The following FAM149A variants were observed in gnomAD, a reference collection of about 807,000 sequenced individuals.
The protein encoded by FAM149A is protein FAM149A.
In FAM149A, 71 loss-of-function variants were observed where a neutral mutation model predicts 78.2. The ratio of observed to expected loss-of-function variants is 0.91; its 90% CI spans 0.75 to 1.11. The LOEUF (loss-of-function observed/expected upper bound fraction) is 1.11, where lower values mean the gene tolerates loss of function less well. Among genes scored for constraint, FAM149A ranks in the 50% least tolerant of loss-of-function variants. FAM149A has a pLI of 0.00. For synonymous variants in FAM149A, 446 were observed against 410.5 expected (o/e 1.09, Z -1.04); for missense variants, 1,036 against 971.0 (o/e 1.07, Z -0.89).
intron 7 of FAM149A, among the ~76,000 whole-genome samples, chr4:186,156,401 C>T (rs974727186): frequency 2.0e-5 from 3 of 151,930 alleles, no homozygotes; most frequent in South Asian, 4.2e-4. Flanking sequence ...TGGCTGGGTG[C>T]GGTGGCTCAC....
rs575108107 is a variant in FAM149A at position 186,169,328 on chromosome 4, G to A, written c.2218+2066G>A. ...ACACAGCCAAGGCCCCTGATCTCAC[G>A]ACGTAGAGAGAACGCGGCTCAAAGG... On this transcript the variant is annotated intron_variant, in intron 13 of 13. Coordinates refer to ENST00000389354, the MANE Select transcript of FAM149A (RefSeq NM_001367768.3). 244 of 985,372 alleles carry A rather than the reference G, an allele frequency of 2.5e-4. 3 individuals are homozygous for A. The highest frequency in any genetic ancestry group is 1.0e-3 in the Middle Eastern group (2 of 1,914). 61.0% of individuals were successfully genotyped at this position (985,372 alleles called of 1,614,324 possible). A position where few individuals can be genotyped will look rare whatever the true frequency, so the allele number is the denominator to read the frequency against.
intron 1 of FAM149A, among the ~76,000 whole-genome samples, chr4:186,115,431 C>G (rs1579775131): frequency 6.7e-6 from 1 of 148,150 alleles, no homozygotes; most frequent in Non-Finnish European, 1.5e-5. Flanking sequence ...TGTTCCATTG[C>G]TGGTGAGGAA....
At chr4:186,134,535 G>A (rs182077480) in intron 1 of FAM149A, among the ~76,000 whole-genome samples, 2 of 152,296 alleles carry the variant, frequency 1.3e-5, no homozygotes. Flanking sequence ...GGATCACCAA[G>A]TAAAGAGGAA....
intron 1 of FAM149A, among the ~76,000 whole-genome samples, chr4:186,142,349 C>A (rs1046934813): frequency 2.6e-5 from 4 of 152,270 alleles, no homozygotes; most frequent in African/African-American, 9.6e-5. Context: ...CAAGCAGAAG[C>A]CTCATCTGTA....
intron 1 of FAM149A, chr4:186,110,384 C>T (rs545602287): frequency 1.0e-4 from 86 of 856,974 alleles, no homozygotes; most frequent in South Asian, 6.2e-4. Flanking sequence ...GTCATATAAG[C>T]GTTACTTTCT....
At chr4:186,118,719 T>C (rs547659467) in intron 1 of FAM149A, among the ~76,000 whole-genome samples, 95 of 152,274 alleles carry the variant, frequency 6.2e-4, no homozygotes, top group Non-Finnish European at 2.4e-4. Flanking sequence ...TATCCTCTGA[T>C]TGAAGATGAG....
chr4:186,156,262 C>G, intron 7 of FAM149A, 72 bp downstream of exon 7: 1 of 1,298,180 alleles, frequency 7.7e-7, no homozygotes, highest in Non-Finnish European at 1.1e-6. Flanking sequence ...TCCTGCTCCC[C>G]AGCTTGGCCA....
chr4:186,109,878 G>C (rs1004764576), intron 1 of FAM149A: 10 of 985,204 alleles, frequency 1.0e-5, no homozygotes, highest in Non-Finnish European at 1.1e-5. Context: ...TACCTTCCCT[G>C]CATGACTTAC....
Position 186,166,948 on chromosome 4 carries a change from A to T in FAM149A, c.2011-20A>T. On this transcript the variant is annotated intron_variant, in intron 11 of 13. Transcript: ENST00000389354. ...AGGATTGCATTTATTTTAAACAAGAACATACTATCCTTCATTTAGTACAGA... is the reference window on the plus strand; with the variant it reads ...AGGATTGCATTTATTTTAAACAAGATCATACTATCCTTCATTTAGTACAGA... The T allele has an allele frequency of 6.2e-7, 1 of 1,602,464 alleles. No homozygotes were observed. The highest frequency in any genetic ancestry group is 8.5e-7 in the Non-Finnish European group (1 of 1,173,394).
chr4:186,157,737 C>A lies in FAM149A; in HGVS notation c.1575+18C>A. On this transcript the variant is annotated intron_variant, in intron 8 of 13. Coordinates refer to ENST00000389354, the MANE Select transcript of FAM149A (RefSeq NM_001367768.3). ...CGCCCCAGGTCGGTGCTTTCACACCCTTCTCCCTCTTGCCTTCACTCTGTG... is the reference window on the plus strand; with the variant it reads ...CGCCCCAGGTCGGTGCTTTCACACCATTCTCCCTCTTGCCTTCACTCTGTG... The A allele has an allele frequency of 2.5e-6, 4 of 1,593,080 alleles. No individual in the cohort carries two copies. The highest frequency in any genetic ancestry group is 2.6e-6 in the Non-Finnish European group (3 of 1,168,698).
chr4:186,130,287 C>CTATATATATATA (rs1324375458), intron 1 of FAM149A: 21 of 38,220 alleles, frequency 5.5e-4, no homozygotes, highest in Admixed American at 6.7e-4. Context: ...CTCTCTCTCT[C>CTATATATATATA]TCTCTCTATA....
intron 1 of FAM149A, among the ~76,000 whole-genome samples, chr4:186,119,242 A>G (rs1367931628): frequency 6.6e-6 from 1 of 152,192 alleles, no homozygotes; most frequent in Non-Finnish European, 1.5e-5. Flanking sequence ...TTAACAGGAC[A>G]TGATTTTCTA....
At chr4:186,126,406 G>A (rs2099318350) in intron 1 of FAM149A, among the ~76,000 whole-genome samples, 1 of 152,210 alleles carries the variant, frequency 6.6e-6, no homozygotes, top group African/African-American at 2.4e-5. Context: ...GTCTGTGAGT[G>A]TGTCTCCAGA....
chr4:186,121,591 A>G (rs890644744), intron 1 of FAM149A, among the ~76,000 whole-genome samples: 2 of 152,226 alleles, frequency 1.3e-5, no homozygotes, highest in East Asian at 1.9e-4. Context: ...TGAGAAGATC[A>G]TGGGATCCTA....
intron 1 of FAM149A, among the ~76,000 whole-genome samples, chr4:186,108,149 TGTGTG>T (rs1348031648): frequency 6.6e-6 from 1 of 152,216 alleles, no homozygotes; most frequent in Non-Finnish European, 1.5e-5. Flanking sequence ...GCTGTTAGCC[TGTGTG>T]GTTAATATTA....
chr4:186,125,503 G>A, intron 1 of FAM149A: 1 of 358,622 alleles, frequency 2.8e-6, no homozygotes. Flanking sequence ...CAGCCAGCCA[G>A]CAATCAGTGA....
At chr4:186,133,160 T>A in intron 1 of FAM149A, 14 of 985,408 alleles carry the variant, frequency 1.4e-5, no homozygotes, top group Non-Finnish European at 1.7e-5. Context: ...CACACTACAT[T>A]CTGCAAGCTG....
At chr4:186,168,924 T>G (rs1349227558) in intron 13 of FAM149A, among the ~76,000 whole-genome samples, 1 of 152,120 alleles carries the variant, frequency 6.6e-6, no homozygotes. Context: ...CTAGAGGAGA[T>G]GACCATCACA....
chr4:186,124,701 G>T (rs925909288), intron 1 of FAM149A, among the ~76,000 whole-genome samples: 5 of 152,108 alleles, frequency 3.3e-5, no homozygotes, highest in Non-Finnish European at 7.4e-5. Context: ...CTTTGCTATT[G>T]TGAATAGTGC....
Sources: allele counts gnomAD v4.1 joint callset (sites outside exome capture counted in the v4.1 genomes callset), GRCh38; gene constraint gnomAD v4.1.1; transcripts MANE v1.5; gene names NCBI Gene and HGNC (gene_info 2026-07-23, HGNC 2026-07-21).